Variants in KIAA1549 observed in about 807,000 individuals in gnomAD.
KIAA1549 encodes UPF0606 protein KIAA1549.
KIAA1549 carries 70 observed loss-of-function variants against 156.4 expected under a neutral mutation model. The observed-to-expected ratio is 0.45, with a 90% CI of 0.37 to 0.55. The LOEUF (loss-of-function observed/expected upper bound fraction) is 0.55. Ranked by LOEUF, KIAA1549 falls within the 20% of genes least tolerant of loss-of-function variation. KIAA1549 has a pLI of 0.00. For missense variants in KIAA1549, 2,428 were observed against 2,540.9 expected (o/e 0.96, Z 0.96); for synonymous variants, 1,103 against 1,066.4 (o/e 1.03, Z -0.67).
At position 138,859,598 on chromosome 7, in the gene KIAA1549, C is replaced by T. The variant is rs139010705; in HGVS notation, c.5247+1541G>A. Among the ~76,000 whole-genome samples, 1,508 of 152,252 alleles carry T rather than the reference C, an allele frequency of 9.9e-3. 15 individuals are homozygous for T. The highest frequency in any genetic ancestry group is 0.034 in the Middle Eastern group (10 of 294). On this transcript the variant is annotated intron_variant, in intron 16 of 19. Transcript: ENST00000422774. ...GCCTTTTCCTCCCCAGACTTCCAAA[C>T]TCCATTTCTTCAACTCAGGGAGACC...
At position 138,918,043 on chromosome 7, in the gene KIAA1549, A is replaced by G. The variant is rs1584755356; in HGVS notation, c.1583T>C (p.Leu528Pro). ...AGGATCAAGTGACGCCGGCACAGAG[A>G]GGCGGCCGTGGGCAGGGGGAACCTG... The part of the protein sequence containing the change: ...TTQVPPAHGR[L>P]SVPASLDPTA... Residue 528 changes from leucine (L) to proline (P), a missense_variant, in exon 2 of 20, where the codon CTC becomes CCC. Physicochemically the swap from Leu to Pro is moderately conservative, Grantham distance 98. Coordinates refer to ENST00000422774, the MANE Select transcript of KIAA1549 (RefSeq NM_001164665.2). This position sits in a 1 kb window ranked among gnomAD's most constrained non-coding sequence, Gnocchi z 4.2. The G allele has an allele frequency of 6.2e-7, 1 of 1,611,506 alleles. No homozygotes were observed. Among genetic ancestry groups the G allele is most frequent in the Non-Finnish European group, 8.5e-7 (1 of 1,178,818 alleles).
At chr7:138,903,810 T>G in intron 7 of KIAA1549, 74 bp from the exon 8 acceptor site, 1 of 180,638 alleles carries the variant, frequency 5.5e-6, no homozygotes, top group Non-Finnish European at 9.6e-6. Flanking sequence ...TGTGTGTGTG[T>G]GTGTGTGTGT....
chr7:138,918,473 T>G lies in KIAA1549; in HGVS notation c.1153A>C (p.Ser385Arg), dbSNP rs751918686. The G allele has an allele frequency of 1.2e-5, 20 of 1,613,830 alleles. No individual in the cohort carries two copies. The South Asian group carries it at 1.9e-4, about 15-fold the overall frequency. Residue 385 changes from serine to arginine, a missense_variant, in exon 2 of 20, where the codon AGC (serine) becomes CGC (arginine). Physicochemically the swap from Ser to Arg is moderately radical, Grantham distance 110. Around this residue, in one of 5 missense-constraint regions of KIAA1549, gnomAD observed 893 missense variants for 847.9 expected, o/e 1.05. Coordinates refer to ENST00000422774, the MANE Select transcript of KIAA1549 (RefSeq NM_001164665.2). The surrounding 1 kb of genome is among the most constrained non-coding windows in gnomAD (Gnocchi z 4.2). ...AATTCGGATGTTTTGCTGGAGTCGC[T>G]AGGGAGAAAGGGGTTAGATGAAACA... Reference protein sequence around the residue: ...TDVSSNPFLPSDSSKTSELHS... With the variant: ...TDVSSNPFLPRDSSKTSELHS...
chr7:138,962,959 T>C (rs1813897984), intron 1 of KIAA1549, among the ~76,000 whole-genome samples: 1 of 152,238 alleles, frequency 6.6e-6, no homozygotes, highest in Non-Finnish European at 1.5e-5. Context: ...CGCAGTCCTC[T>C]ACAATAGCAC....
At chr7:138,922,404 A>G (rs1425378688) in intron 1 of KIAA1549, among the ~76,000 whole-genome samples, 1 of 152,216 alleles carries the variant, frequency 6.6e-6, no homozygotes, top group Non-Finnish European at 1.5e-5. Context: ...TACCATGAAC[A>G]AAAGTCAAGA....
intron 1 of KIAA1549, among the ~76,000 whole-genome samples, chr7:138,948,633 A>T (rs927972814): frequency 1.3e-5 from 2 of 151,446 alleles, no homozygotes; most frequent in Admixed American, 6.6e-5. Flanking sequence ...CAAGCAAAAG[A>T]GTCATTGTTC....
chr7:138,839,980 C>T (rs1030404931), intron 19 of KIAA1549, among the ~76,000 whole-genome samples, 153 bp downstream of exon 19: 3 of 151,370 alleles, frequency 2.0e-5, no homozygotes, highest in Non-Finnish European at 4.4e-5. Flanking sequence ...TTAGTAGAGA[C>T]GGGATTTCAC....
At chr7:138,911,018 T>TGA (rs1563073647) in intron 4 of KIAA1549, 128 bp downstream of exon 4, 24 of 775,040 alleles carry the variant, frequency 3.1e-5, no homozygotes, top group Non-Finnish European at 4.4e-5. Flanking sequence ...GGCAACAGAC[T>TGA]GAGATCCTGT....
At chr7:138,904,607 C>A (rs1811953437) in intron 7 of KIAA1549, among the ~76,000 whole-genome samples, 1 of 148,122 alleles carries the variant, frequency 6.8e-6, no homozygotes. Flanking sequence ...AATATCTGAC[C>A]CACTCCCCTA....
In KIAA1549 at chr7:138,861,188, T is replaced by G. The variant is rs946277260; in HGVS notation, c.5198A>C (p.Gln1733Pro). ...GGCTGGGCTGTAGAAGGACCCCCAC[T>G]GGGTGGCTCGCCTCTCTTCCTGGGA... is the stretch of plus-strand genomic sequence containing the variant. ...TPSQEERRATQWGSFYSPAQT... is the reference protein window; with the variant it reads ...TPSQEERRATPWGSFYSPAQT... Residue 1733 changes from glutamine to proline, a missense_variant, in exon 16 of 20, where the codon CAG becomes CCG. Physicochemically the swap from Gln to Pro is moderately conservative, Grantham distance 76 (BLOSUM62 -1). Coordinates refer to ENST00000422774, the MANE Select transcript of KIAA1549 (RefSeq NM_001164665.2). 2.5e-6 allele frequency: 4 copies of G among 1,613,788 alleles called. No individual in the cohort carries two copies. The highest frequency in any genetic ancestry group is 3.4e-6 in the Non-Finnish European group (4 of 1,179,858).
In KIAA1549 at chr7:138,950,855, G is replaced by A. The variant is rs189278246; in HGVS notation, c.187+30228C>T. Among the ~76,000 whole-genome samples, 912 of 149,798 alleles carry A rather than the reference G, an allele frequency of 6.1e-3. 7 individuals are homozygous for A. Among genetic ancestry groups the A allele is most frequent in the African/African-American group, 0.021 (835 of 40,662 alleles). On this transcript the variant is annotated intron_variant, in intron 1 of 19. Transcript: ENST00000422774. ...GCTGAGGTTATCAGCATCATGTCAC[G>A]AGGTCCCCGACCACCTCGCCACACT...
intron 10 of KIAA1549, among the ~76,000 whole-genome samples, chr7:138,889,320 A>T: frequency 6.6e-6 from 1 of 152,078 alleles, no homozygotes; most frequent in East Asian, 1.9e-4. Context: ...CCTCACGTAC[A>T]CTCAGGGCCC....
chr7:138,848,206 C>A (rs1164030618), intron 17 of KIAA1549, among the ~76,000 whole-genome samples: 1 of 152,128 alleles, frequency 6.6e-6, no homozygotes, highest in Non-Finnish European at 1.5e-5. Flanking sequence ...GTTTTTCTTG[C>A]CTTGTTACAG....
At chr7:138,937,863 T>C (rs566886991) in intron 1 of KIAA1549, among the ~76,000 whole-genome samples, 4 of 152,260 alleles carry the variant, frequency 2.6e-5, no homozygotes, top group African/African-American at 4.8e-5. Context: ...AAGATGATCA[T>C]TGGGGTCAAA....
intron 1 of KIAA1549, among the ~76,000 whole-genome samples, chr7:138,929,955 AAAGT>A (rs1300183163): frequency 6.6e-6 from 1 of 152,186 alleles, no homozygotes; most frequent in Non-Finnish European, 1.5e-5. Context: ...TCGGCCTCCC[AAAGT>A]GAGTCACCGC....
intron 1 of KIAA1549, among the ~76,000 whole-genome samples, chr7:138,949,370 A>G (rs1813428351): frequency 6.6e-6 from 1 of 152,198 alleles, no homozygotes. Flanking sequence ...GTTCTGTCAT[A>G]TAGACGAAGT....
intron 18 of KIAA1549, among the ~76,000 whole-genome samples, chr7:138,840,598 G>A: frequency 6.6e-6 from 1 of 152,132 alleles, no homozygotes; most frequent in East Asian, 1.9e-4. Context: ...CAGAATTCTT[G>A]ACCCCGTGAC....
intron 1 of KIAA1549, among the ~76,000 whole-genome samples, chr7:138,943,614 C>T (rs1265694058): frequency 6.6e-6 from 1 of 152,124 alleles, no homozygotes; most frequent in Non-Finnish European, 1.5e-5. Context: ...CTTTGGGAGG[C>T]CAAGGCGGGT....
rs531706957 is a variant in KIAA1549 at position 138,865,591 on chromosome 7, G to C, written c.4929+2384C>G. ...AAATCTGAGGAAGATTTTTATTTTG[G>C]GGCAATCTTTTAAAAAAGGAGCCAC... On this transcript the variant is annotated intron_variant, in intron 15 of 19. Transcript: ENST00000422774. 1.1e-4 allele frequency among the ~76,000 whole-genome samples: 17 copies of C among 152,210 alleles called. No homozygotes were observed. The East Asian group carries it at 3.3e-3, about 29-fold the overall frequency.
Sources: gnomAD v4.1 joint callset for allele counts (sites outside exome capture counted in the v4.1 genomes callset) on GRCh38, gnomAD v4.1.1 for gene constraint, gnomAD v4.1.1 regional missense constraint, Gnocchi (gnomAD v3.1) non-coding constraint, MANE v1.5 for transcripts, NCBI Gene and HGNC (gene_info 2026-07-23, HGNC 2026-07-21) for gene names.